Variants in CA14 observed in about 807,000 individuals in gnomAD.
CA14 encodes carbonic anhydrase 14.
CA14 carries 44 observed loss-of-function variants against 48.8 expected under a neutral mutation model. The ratio of observed to expected loss-of-function variants is 0.90; its 90% CI spans 0.71 to 1.16. The LOEUF (loss-of-function observed/expected upper bound fraction) is 1.16, where lower values mean the gene tolerates loss of function less well. Ranked by LOEUF, CA14 falls within the 50% of genes most tolerant of loss-of-function variation. The pLI is 0.00. For synonymous variants in CA14, 154 were observed against 155.0 expected (o/e 0.99, Z 0.05); for missense variants, 386 against 401.0 (o/e 0.96, Z 0.32).
rs782563417 is a variant in CA14 at position 150,258,086 on chromosome 1, A to G, written c.-43A>G. 6.6e-7 allele frequency: 1 copy of G among 1,520,060 alleles called. No homozygotes were observed. Among genetic ancestry groups the G allele is most frequent in the Admixed American group, 1.7e-5 (1 of 57,488 alleles). 94.2% of individuals were successfully genotyped at this position (1,520,060 alleles called of 1,614,324 possible). ...CTCTCTCTGCCTGTCCTAGTCCTCTAGTCCTCAAATTCCCAGTCCCCTGCA... is the reference window on the plus strand; with the variant it reads ...CTCTCTCTGCCTGTCCTAGTCCTCTGGTCCTCAAATTCCCAGTCCCCTGCA... On this transcript the variant is annotated 5_prime_UTR_variant, in exon 1 of 11. Coordinates refer to ENST00000369111, the MANE Select transcript of CA14 (RefSeq NM_012113.3).
intron 1 of CA14, among the ~76,000 whole-genome samples, chr1:150,258,802 C>G (rs1650759360): frequency 6.6e-6 from 1 of 152,202 alleles, no homozygotes; most frequent in Non-Finnish European, 1.5e-5. Context: ...GGCTGAAGCG[C>G]TCCAGGAGTG....
chr1:150,263,678 A>G lies in CA14; in HGVS notation c.861A>G (p.Thr287=), dbSNP rs1651313542. The G allele has an allele frequency of 1.2e-6, 2 of 1,613,902 alleles. No homozygotes were observed. The highest frequency in any genetic ancestry group is 1.7e-6 in the Non-Finnish European group (2 of 1,179,932). The change falls in exon 9 of 11, where the codon ACA becomes ACG. Residue 287 remains threonine (T), a splice_region_variant and synonymous_variant. Coordinates refer to ENST00000369111, the MANE Select transcript of CA14 (RefSeq NM_012113.3). ...SFIQAGSSYT[T]GEMLSLGVGI... Reference sequence around the variant, plus strand: ...TTACAGCAGGATCCTCGTATACCACAGGTAAGCCAGCCTTATAAGATAATG... The same window carrying G: ...TTACAGCAGGATCCTCGTATACCACGGGTAAGCCAGCCTTATAAGATAATG...
chr1:150,258,177 G>C lies in CA14; in HGVS notation c.49G>C (p.Asp17His). ...LLEVIWILAA[D>H]GGQHWTYEGP... ...GGAGGTGATTTGGATCCTGGCTGCA[G>C]ATGGGGGTAGGTACAACTAAATGTC... Residue 17 changes from aspartate (D) to histidine (H), a missense_variant, in exon 1 of 11, where the codon GAT (aspartate) becomes CAT (histidine). Transcript: ENST00000369111. 1 of 1,611,418 alleles carries C rather than the reference G, an allele frequency of 6.2e-7. No individual in the cohort carries two copies. Among genetic ancestry groups the C allele is most frequent in the Non-Finnish European group, 8.5e-7 (1 of 1,178,210 alleles).
chr1:150,259,864 TG>T (rs1191530007), intron 1 of CA14, among the ~76,000 whole-genome samples: 2 of 152,140 alleles, frequency 1.3e-5, no homozygotes, highest in Non-Finnish European at 2.9e-5. Flanking sequence ...ATCGCACATT[TG>T]GATCCAGGTT....
chr1:150,264,970 T>C lies in CA14; in HGVS notation c.*311T>C, dbSNP rs1651532113. 4.4e-6 allele frequency: 1 copy of C among 224,798 alleles called. No homozygotes were observed. Among genetic ancestry groups the C allele is most frequent in the Non-Finnish European group, 8.8e-6 (1 of 113,580 alleles). 13.9% of individuals were successfully genotyped at this position (224,798 alleles called of 1,614,324 possible). On this transcript the variant is annotated 3_prime_UTR_variant, in exon 11 of 11. Coordinates refer to ENST00000369111, the MANE Select transcript of CA14 (RefSeq NM_012113.3). Reference sequence around the variant, plus strand: ...AAAGTCCTCTACCCCCTCACTTTTATGGCCCTTTCCCTAGATATACTGCGG... The same window carrying C: ...AAAGTCCTCTACCCCCTCACTTTTACGGCCCTTTCCCTAGATATACTGCGG...
chr1:150,262,779 C>T, intron 5 of CA14, 25 bp from the exon 6 acceptor site: 1 of 1,572,908 alleles, frequency 6.4e-7, no homozygotes, highest in Non-Finnish European at 8.8e-7. Context: ...TCATTCCAAA[C>T]TCTCTCCCTT....
intron 1 of CA14, 44 bp from the exon 2 acceptor site, chr1:150,260,107 C>A: frequency 6.2e-7 from 1 of 1,608,134 alleles, no homozygotes; most frequent in South Asian, 1.1e-5. Context: ...CAGGGTTCTG[C>A]CCCAGGCTGC....
At chr1:150,260,335 G>C in intron 2 of CA14, 164 bp downstream of exon 2, 2 of 729,932 alleles carry the variant, frequency 2.7e-6, no homozygotes, top group Non-Finnish European at 5.0e-6. Flanking sequence ...ATGGCTCCTA[G>C]ATCCTGCTCT....
rs782276791 is a variant in CA14, at chr1:150,263,778, C to T, written c.863-16C>T. 3 of 1,613,090 alleles carry T rather than the reference C, an allele frequency of 1.9e-6. No individual in the cohort carries two copies. Among genetic ancestry groups the T allele is most frequent in the African/African-American group, 2.7e-5 (2 of 74,900 alleles). The stretch of plus-strand genomic sequence containing the variant: ...GTTAGTCCTAGGCTGACACCTTTTA[C>T]CTTTATCTCCCCCAGGTGAAATGCT... On this transcript the variant is annotated splice_polypyrimidine_tract_variant and intron_variant, in intron 9 of 10. Coordinates refer to ENST00000369111, the MANE Select transcript of CA14 (RefSeq NM_012113.3).
rs782561597 is a variant in CA14 at position 150,260,159 on chromosome 1, T to C, written c.64T>C (p.Trp22Arg). The change falls in exon 2 of 11, where the codon TGG (tryptophan) becomes CGG (arginine). Residue 22 changes from tryptophan (W) to arginine (R), a missense_variant. Coordinates refer to ENST00000369111, the MANE Select transcript of CA14 (RefSeq NM_012113.3). The part of the protein sequence containing the change: ...WILAADGGQH[W>R]TYEGPHGQDH... ...ACTATTCTGCCTTGCAGGTCAACAC[T>C]GGACGTATGAGGGTGAGCAGATCTC... The C allele has an allele frequency of 1.2e-6, 2 of 1,613,822 alleles. No individual in the cohort carries two copies. The highest frequency in any genetic ancestry group is 1.7e-6 in the Non-Finnish European group (2 of 1,179,868).
chr1:150,261,916 T>C (rs1235244021), intron 3 of CA14, among the ~76,000 whole-genome samples: 1 of 152,186 alleles, frequency 6.6e-6, no homozygotes, highest in Non-Finnish European at 1.5e-5. Context: ...CAGGATCCTG[T>C]AGCCAAAGCG....
At chr1:150,264,366 A>G (rs1651456702) in intron 10 of CA14, among the ~76,000 whole-genome samples, 1 of 147,532 alleles carries the variant, frequency 6.8e-6, no homozygotes, top group Non-Finnish European at 1.5e-5. Context: ...CCATGCCCAG[A>G]TAATTTTTGT....
In CA14 at chr1:150,257,864, T is replaced by C; in HGVS notation, c.-265T>C. Reference sequence around the variant, plus strand: ...GCTGGCCAGCTAGTGGAGTGGAGACTGCAGAGGGAGATAAAGAGAGAGGGC... The same window carrying C: ...GCTGGCCAGCTAGTGGAGTGGAGACCGCAGAGGGAGATAAAGAGAGAGGGC... On this transcript the variant is annotated 5_prime_UTR_variant, in exon 1 of 11. Transcript: ENST00000369111. 3.6e-6 allele frequency: 1 copy of C among 276,196 alleles called. No homozygotes were observed. Among genetic ancestry groups the C allele is most frequent in the East Asian group, 6.7e-5 (1 of 14,952 alleles). The allele number at this position is 276,196 out of a possible 1,614,324, so 17.1% of individuals were successfully genotyped here.
At position 150,263,646 on chromosome 1, in the gene CA14, T is replaced by G; in HGVS notation, c.842-13T>G. ...GATCTGAAGTCCCACTGACCCATTT[T>G]CTTCTCTTACAGCAGGATCCTCGTA... On this transcript the variant is annotated splice_polypyrimidine_tract_variant and intron_variant, in intron 8 of 10. Transcript: ENST00000369111. 4 of 1,613,894 alleles carry G rather than the reference T, an allele frequency of 2.5e-6. No individual in the cohort carries two copies. Among genetic ancestry groups the G allele is most frequent in the Non-Finnish European group, 2.5e-6 (3 of 1,179,900 alleles).
intron 3 of CA14, among the ~76,000 whole-genome samples, chr1:150,261,848 T>A (rs1651063927): frequency 6.6e-6 from 1 of 152,220 alleles, no homozygotes; most frequent in South Asian, 2.1e-4. Flanking sequence ...AGCATTTTCC[T>A]AACCTACGAA....
chr1:150,262,809 T>A lies in CA14; in HGVS notation c.501T>A (p.Gly167=). ...LAVLGILIEV[G]ETKNIAYEHI... ...TCCCTTTCCTTCTCTTCCAGGTGGG[T>A]GAGACTAAGAATATAGCTTATGAAC... Residue 167 remains glycine (G), a synonymous_variant, in exon 6 of 11, where the codon GGT becomes GGA. Transcript: ENST00000369111. The A allele has an allele frequency of 6.2e-7, 1 of 1,609,222 alleles. No individual in the cohort carries two copies. The highest frequency in any genetic ancestry group is 8.5e-7 in the Non-Finnish European group (1 of 1,175,540).
rs969207612 is a variant in CA14, at chr1:150,264,601, G to C, written c.956G>C (p.Arg319Thr). The C allele has an allele frequency of 6.2e-7, 1 of 1,606,246 alleles. No homozygotes were observed. The highest frequency in any genetic ancestry group is 8.5e-7 in the Non-Finnish European group (1 of 1,173,028). Residue 319 changes from arginine to threonine, a missense_variant, in exon 11 of 11, where the codon AGG becomes ACG. Transcript: ENST00000369111. ...GCCATTCCCCTTTCCAGGAAGAAGA[G>C]GCTGGAAAACCGAAAGAGTGTGGTC... is the stretch of plus-strand genomic sequence containing the variant. ...YFIARKIRKK[R>T]LENRKSVVFT...
intron 10 of CA14, 69 bp downstream of exon 10, chr1:150,263,947 G>C (rs1181536111): frequency 3.8e-6 from 4 of 1,066,636 alleles, no homozygotes; most frequent in Non-Finnish European, 4.1e-6. Context: ...GGTGGGAGAC[G>C]GAGTCTTGCT....
intron 4 of CA14, 85 bp from the exon 5 acceptor site, chr1:150,262,440 C>T: frequency 6.8e-7 from 1 of 1,473,788 alleles, no homozygotes; most frequent in South Asian, 1.2e-5. Context: ...CTGCCGGGGA[C>T]AGCGGGGGGA....
Sources: allele counts gnomAD v4.1 joint callset (sites outside exome capture counted in the v4.1 genomes callset), GRCh38; gene constraint gnomAD v4.1.1; transcripts MANE v1.5; gene names NCBI Gene and HGNC (gene_info 2026-07-23, HGNC 2026-07-21).